The following ZNF792 variants were observed in gnomAD, a reference collection of about 807,000 sequenced individuals.
The protein encoded by ZNF792 is zinc finger protein 792.
A neutral mutation model predicts 13.1 loss-of-function variants in ZNF792; 14 were observed. The ratio of observed to expected loss-of-function variants is 1.07; its 90% CI spans 0.71 to 1.67. ZNF792 has a LOEUF of 1.67. ZNF792 is among the 40% of genes most tolerant of loss of function. ZNF792 has a pLI of 0.00. For missense variants in ZNF792, 740 were observed against 807.9 expected (o/e 0.92, Z 1.02); for synonymous variants, 257 against 292.0 (o/e 0.88, Z 1.22).
intron 1 of ZNF792, 69 bp downstream of exon 1, chr19:34,963,561 T>G: frequency 6.4e-7 from 1 of 1,564,472 alleles, no homozygotes; most frequent in Non-Finnish European, 8.7e-7. Context: ...AAGCCATCTT[T>G]TGCGTCTCAA....
Position 34,958,033 on chromosome 19 carries a change from T to G in ZNF792, c.1822A>C (p.Asn608His). ...TTGACAGCGCCCTGATAAGGTCTGT[T>G]CTCAGAGCTTATCTCTGGTGTGTGC... The part of the protein sequence containing the change: ...SQHTPEISSE[N>H]RPYQGAVNYK... Residue 608 changes from asparagine (N) to histidine (H), a missense_variant, in exon 4 of 4, where the codon AAC becomes CAC. Physicochemically the swap from Asn to His is moderately conservative, Grantham distance 68 (BLOSUM62 1). Transcript: ENST00000404801. 6.2e-7 allele frequency: 1 copy of G among 1,613,092 alleles called. No homozygotes were observed. The highest frequency in any genetic ancestry group is 8.5e-7 in the Non-Finnish European group (1 of 1,179,554).
rs370088903 is a variant in ZNF792 at position 34,958,264 on chromosome 19, C to T, written c.1591G>A (p.Glu531Lys). Residue 531 changes from glutamate (E) to lysine (K), a missense_variant, in exon 4 of 4, where the codon GAG (glutamate) becomes AAG (lysine). Physicochemically the swap from Glu to Lys is moderately conservative, Grantham distance 56 (BLOSUM62 1). Coordinates refer to ENST00000404801, the MANE Select transcript of ZNF792 (RefSeq NM_175872.5). ...LNNHRRLHTG[E>K]RPYECSECGK... ...CATTCGCTGCACTCATAAGGCCGCTCGCCGGTGTGAAGTCTCCGGTGGTTA... is the reference window on the plus strand; with the variant it reads ...CATTCGCTGCACTCATAAGGCCGCTTGCCGGTGTGAAGTCTCCGGTGGTTA... 4.2e-5 allele frequency: 68 copies of T among 1,613,836 alleles called. No homozygotes were observed. Among genetic ancestry groups the T allele is most frequent in the African/African-American group, 1.1e-4 (8 of 74,882 alleles).
intron 1 of ZNF792, among the ~76,000 whole-genome samples, chr19:34,961,997 T>TA (rs2013534612): frequency 6.6e-6 from 1 of 152,194 alleles, no homozygotes; most frequent in Admixed American, 6.5e-5. Flanking sequence ...GACCCTCTGA[T>TA]ACACCCACAT....
Position 34,959,408 on chromosome 19 carries a change from T to A in ZNF792, c.447A>T (p.Glu149Asp). ...TCTGCCTGGGATGTGTTGTCTGGTGTTCAGCCAAATGCAAAATGTCTTTCA... is the reference window on the plus strand; with the variant it reads ...TCTGCCTGGGATGTGTTGTCTGGTGATCAGCCAAATGCAAAATGTCTTTCA... Reference protein sequence around the residue: ...LRLKDILHLAEHQTTHPRQKP... With the variant: ...LRLKDILHLADHQTTHPRQKP... Residue 149 changes from glutamate (E) to aspartate (D), a missense_variant, in exon 4 of 4, where the codon GAA (glutamate) becomes GAT (aspartate). Physicochemically the swap from Glu to Asp is conservative, Grantham distance 45. Transcript: ENST00000404801. 3 of 1,614,170 alleles carry A rather than the reference T, an allele frequency of 1.9e-6. No individual in the cohort carries two copies. The highest frequency in any genetic ancestry group is 2.5e-6 in the Non-Finnish European group (3 of 1,179,992).
chr19:34,961,067 T>C, intron 1 of ZNF792, 73 bp from the exon 2 acceptor site: 1 of 1,546,180 alleles, frequency 6.5e-7, no homozygotes, highest in African/African-American at 1.4e-5. Context: ...CCCTGCTCAC[T>C]CTCCTCCCCA....
rs933981156 is a variant in ZNF792 at position 34,956,501 on chromosome 19, G to A, written c.*1455C>T. ...AGGTAGCTTTGCAGGTGATGGATAC[G>A]TTCATTATCATGATTATGGTATTGG... is the stretch of plus-strand genomic sequence containing the variant. On this transcript the variant is annotated 3_prime_UTR_variant, in exon 4 of 4. Transcript: ENST00000404801. 5.9e-5 allele frequency: 9 copies of A among 152,140 alleles called. No individual in the cohort carries two copies. The highest frequency in any genetic ancestry group is 1.9e-4 in the East Asian group (1 of 5,194). 9.4% of individuals were successfully genotyped at this position (152,140 alleles called of 1,614,324 possible).
intron 2 of ZNF792, 145 bp downstream of exon 2, chr19:34,960,723 C>A: frequency 7.8e-7 from 1 of 1,277,362 alleles, no homozygotes; most frequent in Non-Finnish European, 1.1e-6. Flanking sequence ...ATAGCTCAGC[C>A]CCAGAAGCCA....
rs2013430918 is a variant in ZNF792, at chr19:34,956,490, G to A, written c.*1466C>T. ...AAAGGGGCATGAGGTAGCTTTGCAG[G>A]TGATGGATACGTTCATTATCATGAT... On this transcript the variant is annotated 3_prime_UTR_variant, in exon 4 of 4. Transcript: ENST00000404801. 6.6e-6 allele frequency: 1 copy of A among 152,186 alleles called. No homozygotes were observed. The highest frequency in any genetic ancestry group is 1.5e-5 in the Non-Finnish European group (1 of 68,048). The allele number at this position is 152,186 out of a possible 1,614,324, so 9.4% of individuals were successfully genotyped here.
rs1305760639 is a variant in ZNF792, at chr19:34,958,798, G to C, written c.1057C>G (p.Leu353Val). 17 of 1,614,070 alleles carry C rather than the reference G, an allele frequency of 1.1e-5. No homozygotes were observed. Among genetic ancestry groups the C allele is most frequent in the Non-Finnish European group, 1.4e-5 (16 of 1,179,980 alleles). ...GTGTGAACCCTCTTATGCTGAATGA[G>C]GTTGGAGCTTCGGCTGAAGAATTTC... ...CGKFFSRSSN[L>V]IQHKRVHTGE... is the part of the protein sequence containing the mutation. The change falls in exon 4 of 4, where the codon CTC becomes GTC. Residue 353 changes from leucine (L) to valine (V), a missense_variant. Transcript: ENST00000404801.
At position 34,959,202 on chromosome 19, in the gene ZNF792, T is replaced by C; in HGVS notation, c.653A>G (p.Asp218Gly). 6.2e-7 allele frequency: 1 copy of C among 1,614,016 alleles called. No individual in the cohort carries two copies. Among genetic ancestry groups the C allele is most frequent in the Non-Finnish European group, 8.5e-7 (1 of 1,179,892 alleles). ...QLSTCREGGK[D>G]FVATAGFLQC... ...CAGAAACCCTGCTGTGGCCACAAAG[T>C]CCTTCCCACCCTCCCTGCAGGTGGA... Residue 218 changes from aspartate to glycine, a missense_variant, in exon 4 of 4, where the codon GAC (aspartate) becomes GGC (glycine). Coordinates refer to ENST00000404801, the MANE Select transcript of ZNF792 (RefSeq NM_175872.5).
Position 34,958,704 on chromosome 19 carries a change from T to C in ZNF792, c.1151A>G (p.His384Arg), listed in dbSNP as rs370470116. The C allele has an allele frequency of 6.8e-6, 11 of 1,614,042 alleles. No homozygotes were observed. The highest frequency in any genetic ancestry group is 6.7e-5 in the African/African-American group (5 of 74,912). Residue 384 changes from histidine (H) to arginine (R), a missense_variant, in exon 4 of 4, where the codon CAT (histidine) becomes CGT (arginine). Physicochemically the swap from His to Arg is conservative, Grantham distance 29. Transcript: ENST00000404801. ...ACTTCTGCCCGTATGAACCCTCTTA[T>C]GATGAATGAGGTTGGAACGCTGGCT... ...FFSQRSNLIH[H>R]KRVHTGRSAH...
In ZNF792 at chr19:34,960,872, C is replaced by T. The variant is rs199630450; in HGVS notation, c.156G>A (p.Ser52=). Residue 52 remains serine (S), a synonymous_variant, in exon 2 of 4, where the codon TCG becomes TCA. Coordinates refer to ENST00000404801, the MANE Select transcript of ZNF792 (RefSeq NM_175872.5). ...GGGTAGGGGTGACAGCCTTACCCAGCGAGGCTATAAGTGCAAAGTTTTCCA... is the reference window on the plus strand; with the variant it reads ...GGGTAGGGGTGACAGCCTTACCCAGTGAGGCTATAAGTGCAAAGTTTTCCA... ...VMLENFALIA[S]LGLISFRSHI... The T allele has an allele frequency of 1.1e-5, 17 of 1,613,938 alleles. No homozygotes were observed. In the African/African-American group the frequency reaches 1.9e-4, roughly 18 times the overall value.
chr19:34,961,519 GC>G (rs1379368461), intron 1 of ZNF792, among the ~76,000 whole-genome samples: 1 of 152,032 alleles, frequency 6.6e-6, no homozygotes, highest in Non-Finnish European at 1.5e-5. Context: ...ATCCCAGCCT[GC>G]CCCAGACCTT....
chr19:34,963,758 GC>G lies in ZNF792; in HGVS notation c.-97del. ...CTGAGGCTACCACCCACCTGGCCGT[GC>G]CCCAGACGAGGTGTGACCCCGGGCT... is the stretch of plus-strand genomic sequence containing the variant. On this transcript the variant is annotated 5_prime_UTR_variant, in exon 1 of 4. Coordinates refer to ENST00000404801, the MANE Select transcript of ZNF792 (RefSeq NM_175872.5). The G allele has an allele frequency of 2.2e-6, 3 of 1,362,052 alleles. No homozygotes were observed. The highest frequency in any genetic ancestry group is 3.0e-6 in the Non-Finnish European group (3 of 1,014,794). 84.4% of individuals were successfully genotyped at this position (1,362,052 alleles called of 1,614,324 possible).
Position 34,960,367 on chromosome 19 carries a change from A to G in ZNF792, c.161-10T>C, listed in dbSNP as rs1167631316. 3 of 1,611,788 alleles carry G rather than the reference A, an allele frequency of 1.9e-6. No individual in the cohort carries two copies. The highest frequency in any genetic ancestry group is 2.5e-6 in the Non-Finnish European group (3 of 1,179,180). On this transcript the variant is annotated splice_polypyrimidine_tract_variant and intron_variant, in intron 2 of 3. Coordinates refer to ENST00000404801, the MANE Select transcript of ZNF792 (RefSeq NM_175872.5). ...CTGAAAGATATAAGTCCTAAGGGAA[A>G]GACAGAGTGGGTCAGTGGCCAGCAC...
Position 34,958,109 on chromosome 19 carries a change from C to A in ZNF792, c.1746G>T (p.Lys582Asn), listed in dbSNP as rs745465748. Reference sequence around the variant, plus strand: ...CCATGCTCCTTTCTCTGATGTGAATCTTCTGATGCCGAATGAGGGTAGGCC... The same window carrying A: ...CCATGCTCCTTTCTCTGATGTGAATATTCTGATGCCGAATGAGGGTAGGCC... The part of the protein sequence containing the change: ...NQRPTLIRHQ[K>N]IHIRERSMEN... The change falls in exon 4 of 4, where the codon AAG (lysine) becomes AAT (asparagine). Residue 582 changes from lysine (K) to asparagine (N), a missense_variant. Physicochemically the swap from Lys to Asn is moderately conservative, Grantham distance 94. Coordinates refer to ENST00000404801, the MANE Select transcript of ZNF792 (RefSeq NM_175872.5). 2 of 1,613,076 alleles carry A rather than the reference C, an allele frequency of 1.2e-6. No homozygotes were observed. Among genetic ancestry groups the A allele is most frequent in the Non-Finnish European group, 1.7e-6 (2 of 1,179,448 alleles).
At chr19:34,960,816 G>A (rs1393700594) in intron 2 of ZNF792, 52 bp downstream of exon 2, 3 of 1,612,788 alleles carry the variant, frequency 1.9e-6, no homozygotes, top group Non-Finnish European at 2.5e-6. Context: ...CTTGGGCAAA[G>A]GGGACAGGCA....
At position 34,958,387 on chromosome 19, in the gene ZNF792, T is replaced by G. The variant is rs140251673; in HGVS notation, c.1468A>C (p.Ser490Arg). 2 of 1,613,772 alleles carry G rather than the reference T, an allele frequency of 1.2e-6. No homozygotes were observed. The highest frequency in any genetic ancestry group is 1.3e-5 in the African/African-American group (1 of 75,024). Residue 490 changes from serine (S) to arginine (R), a missense_variant, in exon 4 of 4, where the codon AGC (serine) becomes CGC (arginine). Ser to Arg is a moderately radical substitution (Grantham distance 110). Transcript: ENST00000404801. ...CNECGKLFSQ[S>R]SSLNSHRRLH... ...CTCCGATGGCTATTGAGGCTGGAGCTCTGGCTAAATAACTTCCCACATTCA... is the reference window on the plus strand; with the variant it reads ...CTCCGATGGCTATTGAGGCTGGAGCGCTGGCTAAATAACTTCCCACATTCA...
At position 34,958,914 on chromosome 19, in the gene ZNF792, TC is replaced by T; in HGVS notation, c.940del (p.Glu314AsnfsTer96). 6.2e-7 allele frequency: 1 copy of T among 1,613,902 alleles called. No individual in the cohort carries two copies. Among genetic ancestry groups the T allele is most frequent in the Non-Finnish European group, 8.5e-7 (1 of 1,179,836 alleles). On this transcript the variant is annotated frameshift_variant, in exon 4 of 4. Coordinates refer to ENST00000404801, the MANE Select transcript of ZNF792 (RefSeq NM_175872.5). LOFTEE classifies it low-confidence loss of function (END_TRUNC). ...GTGCTGGCTGAAGAATTTTCCACAT[TC>T]ACAGCACTCATACGGTTTTCCTCTA... The part of the protein sequence containing the change: ...HNRGKPYECC[E>X]CGKFFSQHSS...
Sources: gnomAD v4.1 joint callset for allele counts (sites outside exome capture counted in the v4.1 genomes callset) on GRCh38, gnomAD v4.1.1 for gene constraint, MANE v1.5 for transcripts, NCBI Gene and HGNC (gene_info 2026-07-23, HGNC 2026-07-21) for gene names.